The following MYO10 variants were observed in gnomAD, a reference collection of about 807,000 sequenced individuals.
MYO10 encodes the protein unconventional myosin-X.
In MYO10, 133 loss-of-function variants were observed where a neutral mutation model predicts 257.3. The ratio of observed to expected loss-of-function variants is 0.52; its 90% confidence interval spans 0.45 to 0.60. The LOEUF (loss-of-function observed/expected upper bound fraction) is 0.60, where lower values mean the gene tolerates loss of function less well. Ranked by LOEUF, MYO10 falls within the 20% of genes least tolerant of loss-of-function variation. The pLI is 0.00. For missense variants in MYO10, 2,399 were observed against 2,635.7 expected, an observed-to-expected ratio of 0.91 and a Z score of 1.97; for synonymous variants, 1,104 against 1,028.6, an observed-to-expected ratio of 1.07 and a Z score of -1.40.
In MYO10 at chr5:16,694,503, C is replaced by T. The variant is rs200132051; in HGVS notation, c.3668G>A (p.Gly1223Glu). 17 of 1,614,038 alleles carry T rather than the reference C, an allele frequency of 1.1e-5. No homozygotes were observed. Among genetic ancestry groups the T allele is most frequent in the Admixed American group, 5.0e-5 (3 of 60,024 alleles). Reference sequence around the variant, plus strand: ...CCTGGACAGCGTGGAGGAGCCCCCCCCTTTTTTGTGGAGCCAGCCTTGCTT... The same window carrying T: ...CCTGGACAGCGTGGAGGAGCCCCCCTCTTTTTTGTGGAGCCAGCCTTGCTT... ...ALKQGWLHKK[G>E]GGSSTLSRRN... Residue 1223 changes from glycine to glutamate, a missense_variant, in exon 27 of 41, where the codon GGG (glycine) becomes GAG (glutamate). Around this residue, in one of 3 missense-constraint regions of MYO10, gnomAD observed 1,820 missense variants for 1,939.4 expected, o/e 0.94. Transcript: ENST00000513610.
intron 19 of MYO10, among the ~76,000 whole-genome samples, chr5:16,752,950 C>A (rs1301188031): frequency 6.6e-6 from 1 of 152,118 alleles, no homozygotes; most frequent in Non-Finnish European, 1.5e-5. Flanking sequence ...AGATGGGTTA[C>A]TTTTTAAACT....
In MYO10 at chr5:16,839,498, C is replaced by T. The variant is rs939680947; in HGVS notation, c.121-21331G>A. Among the ~76,000 whole-genome samples the T allele has an allele frequency of 6.6e-5, 10 of 152,264 alleles. No homozygotes were observed. In the South Asian group the frequency reaches 1.7e-3, roughly 25 times the overall value. On this transcript the variant is annotated intron_variant, in intron 2 of 40. Transcript: ENST00000513610. The stretch of plus-strand genomic sequence containing the variant: ...GTGGCTCACACCTGCAATTCCAGCA[C>T]TTTGGGGGGCCAAGGTAGGAGGACT...
At chr5:16,804,107 G>A (rs576395345) in intron 3 of MYO10, among the ~76,000 whole-genome samples, 2 of 152,282 alleles carry the variant, frequency 1.3e-5, no homozygotes, top group African/African-American at 2.4e-5. Flanking sequence ...GATCTACAGC[G>A]AATGCCTTCT....
intron 1 of MYO10, among the ~76,000 whole-genome samples, chr5:16,908,725 T>C (rs1479576465): frequency 6.6e-6 from 1 of 152,208 alleles, no homozygotes; most frequent in Admixed American, 6.5e-5. Flanking sequence ...ATGATAAGTA[T>C]ATAACCATAT....
intron 2 of MYO10, among the ~76,000 whole-genome samples, chr5:16,848,315 C>T (rs1200099144): frequency 2.0e-5 from 3 of 151,944 alleles, no homozygotes; most frequent in Non-Finnish European, 2.9e-5. Flanking sequence ...TGCGCCACTA[C>T]GCCCAGCTAA....
At chr5:16,771,986 G>C (rs1257987840) in intron 9 of MYO10, among the ~76,000 whole-genome samples, 1 of 151,524 alleles carries the variant, frequency 6.6e-6, no homozygotes, top group Non-Finnish European at 1.5e-5. Context: ...CTGAAAATTT[G>C]TTTCAAGGAA....
intron 1 of MYO10, among the ~76,000 whole-genome samples, chr5:16,905,891 AG>A (rs1474609184): frequency 1.3e-5 from 2 of 152,200 alleles, no homozygotes; most frequent in Non-Finnish European, 2.9e-5. Flanking sequence ...ACATCTGAGT[AG>A]GGACAACCAC....
chr5:16,840,518 A>T (rs1743447105), intron 2 of MYO10, among the ~76,000 whole-genome samples: 1 of 151,908 alleles, frequency 6.6e-6, no homozygotes, highest in Non-Finnish European at 1.5e-5. Flanking sequence ...GCAAAACACG[A>T]TCCTTTCCAT....
chr5:16,890,375 A>C (rs937550285), intron 1 of MYO10, among the ~76,000 whole-genome samples: 1 of 151,888 alleles, frequency 6.6e-6, no homozygotes, highest in Non-Finnish European at 1.5e-5. Context: ...CAGAAATTCC[A>C]CTGCTAGGTA....
chr5:16,803,915 G>A (rs1209898613), intron 3 of MYO10, among the ~76,000 whole-genome samples: 4 of 152,092 alleles, frequency 2.6e-5, no homozygotes, highest in East Asian at 1.9e-4. Flanking sequence ...TTACACATTC[G>A]CACACCCACT....
chr5:16,758,843 A>G (rs562833966), intron 17 of MYO10, among the ~76,000 whole-genome samples: 1 of 152,292 alleles, frequency 6.6e-6, no homozygotes, highest in South Asian at 2.1e-4. Flanking sequence ...GGCATATCAT[A>G]TATATTGATA....
chr5:16,773,046 G>T (rs964111153), intron 9 of MYO10, among the ~76,000 whole-genome samples: 1 of 152,114 alleles, frequency 6.6e-6, no homozygotes, highest in Non-Finnish European at 1.5e-5. Flanking sequence ...TACTTTAAAT[G>T]GACGTATTTA....
rs1736085528 is a variant in MYO10 at position 16,664,624 on chromosome 5, G to A, written c.*2068C>T. The A allele has an allele frequency of 6.6e-6, 1 of 152,172 alleles. No individual in the cohort carries two copies. Among genetic ancestry groups the A allele is most frequent in the Non-Finnish European group, 1.5e-5 (1 of 68,046 alleles). 9.4% of individuals were successfully genotyped at this position (152,172 alleles called of 1,614,324 possible). On this transcript the variant is annotated 3_prime_UTR_variant, in exon 41 of 41. Transcript: ENST00000513610. ...CTAGACGCCTGGCCTGGTGGTTTGG[G>A]TACATTGGCAACCAAACTGCCTACC...
intron 1 of MYO10, chr5:16,916,041 A>C: frequency 2.2e-6 from 1 of 456,114 alleles, no homozygotes; most frequent in Non-Finnish European, 4.4e-6. Context: ...AAATATTCAA[A>C]GCATGTCGCT....
At chr5:16,835,425 C>T (rs1233660579) in intron 2 of MYO10, among the ~76,000 whole-genome samples, 3 of 148,646 alleles carry the variant, frequency 2.0e-5, no homozygotes, top group South Asian at 2.1e-4. Flanking sequence ...CCCAGCTACT[C>T]GGGAAGCTGA....
At position 16,680,062 on chromosome 5, in the gene MYO10, C is replaced by A. The variant is rs765454422; in HGVS notation, c.4427G>T (p.Arg1476Leu). 1 of 1,611,728 alleles carries A rather than the reference C, an allele frequency of 6.2e-7. No homozygotes were observed. Among genetic ancestry groups the A allele is most frequent in the East Asian group, 2.2e-5 (1 of 44,742 alleles). The change falls in exon 33 of 41, where the codon CGG becomes CTG. Residue 1476 changes from arginine to leucine, a missense_variant. Physicochemically the swap from Arg to Leu is moderately radical, Grantham distance 102. Coordinates refer to ENST00000513610, the MANE Select transcript of MYO10 (RefSeq NM_012334.3). Reference protein sequence around the residue: ...VTVYGRKHCYRLYTKLLNEAT... With the variant: ...VTVYGRKHCYLLYTKLLNEAT... ...CTCGTTGAGCAGCTTGGTGTAGAGC[C>A]GGTAACAGTGCTTGCGCCCGTACAC... is the stretch of plus-strand genomic sequence containing the variant.
At chr5:16,835,103 G>C (rs1010062043) in intron 2 of MYO10, among the ~76,000 whole-genome samples, 5 of 152,158 alleles carry the variant, frequency 3.3e-5, no homozygotes, top group Non-Finnish European at 7.3e-5. Flanking sequence ...CTTGAACCCA[G>C]GAGGTGGAGG....
At chr5:16,763,956 C>T (rs1328223922) in intron 12 of MYO10, among the ~76,000 whole-genome samples, 1 of 152,058 alleles carries the variant, frequency 6.6e-6, no homozygotes, top group Non-Finnish European at 1.5e-5. Flanking sequence ...ACCAGCCTGA[C>T]CAGCATGGTG....
chr5:16,846,174 T>A (rs890789905), intron 2 of MYO10, among the ~76,000 whole-genome samples: 1 of 152,180 alleles, frequency 6.6e-6, no homozygotes, highest in African/African-American at 2.4e-5. Flanking sequence ...ACATACTGAC[T>A]TTGTTTTCAA....
Sources: allele counts gnomAD v4.1 joint callset (sites outside exome capture counted in the v4.1 genomes callset), GRCh38; gene constraint gnomAD v4.1.1; regional missense constraint gnomAD v4.1.1; transcripts MANE v1.5; gene names NCBI Gene and HGNC (gene_info 2026-07-23, HGNC 2026-07-21).